The following SEMA3C variants were observed in gnomAD, a reference collection of about 807,000 sequenced individuals.
SEMA3C encodes semaphorin-3C.
In SEMA3C, 47 loss-of-function variants were observed where a neutral mutation model predicts 89.4. The ratio of observed to expected loss-of-function variants is 0.53; its 90% CI spans 0.42 to 0.67. The LOEUF (loss-of-function observed/expected upper bound fraction) is 0.67, where lower values mean the gene tolerates loss of function less well. Among genes scored for constraint, SEMA3C ranks in the 30% least tolerant of loss-of-function variants. SEMA3C has a pLI of 0.00. For synonymous variants in SEMA3C, 310 were observed against 320.2 expected (o/e 0.97, Z 0.34); for missense variants, 839 against 929.1 (o/e 0.90, Z 1.26).
chr7:80,753,260 G>C (rs577261552), intron 15 of SEMA3C, among the ~76,000 whole-genome samples: 8 of 152,098 alleles, frequency 5.3e-5, no homozygotes, highest in Non-Finnish European at 1.0e-4. Context: ...AGAATAGCTC[G>C]CATATCAAGT....
At chr7:80,834,362 A>G (rs1790078597) in intron 2 of SEMA3C, among the ~76,000 whole-genome samples, 1 of 152,154 alleles carries the variant, frequency 6.6e-6, no homozygotes, top group African/African-American at 2.4e-5. Flanking sequence ...TTTTCTTTGT[A>G]ATAGAAACCA....
intron 2 of SEMA3C, among the ~76,000 whole-genome samples, chr7:80,858,088 CTCAA>C (rs1460251965): frequency 6.6e-6 from 1 of 151,912 alleles, no homozygotes; most frequent in Non-Finnish European, 1.5e-5. Context: ...GTCTAAAAGA[CTCAA>C]TCACACTTCT....
At chr7:80,791,395 C>A (rs1247003994) in intron 11 of SEMA3C, among the ~76,000 whole-genome samples, 1 of 152,124 alleles carries the variant, frequency 6.6e-6, no homozygotes, top group African/African-American at 2.4e-5. Flanking sequence ...CTGTCGATAT[C>A]TCTACTTCCA....
At chr7:80,861,564 G>C (rs1371994751) in intron 2 of SEMA3C, among the ~76,000 whole-genome samples, 4 of 152,126 alleles carry the variant, frequency 2.6e-5, no homozygotes, top group African/African-American at 7.2e-5. Context: ...ACTGAGCACT[G>C]TTCACACAAA....
chr7:80,846,472 T>C (rs561626625), intron 2 of SEMA3C, among the ~76,000 whole-genome samples: 2 of 152,200 alleles, frequency 1.3e-5, no homozygotes, highest in Non-Finnish European at 2.9e-5. Context: ...TCATCCCGCC[T>C]CAGCCTCCTG....
intron 12 of SEMA3C, among the ~76,000 whole-genome samples, chr7:80,783,686 G>A (rs1272683957): frequency 6.6e-6 from 1 of 152,154 alleles, no homozygotes; most frequent in Non-Finnish European, 1.5e-5. Context: ...TTCATTAAGT[G>A]TGCCATTCCA....
chr7:80,856,246 C>T (rs1444320844), intron 2 of SEMA3C, among the ~76,000 whole-genome samples: 1 of 151,724 alleles, frequency 6.6e-6, no homozygotes, highest in East Asian at 1.9e-4. Context: ...TTTTAAATGA[C>T]CCCTTTGAGG....
chr7:80,801,027 A>C (rs564581941), intron 9 of SEMA3C, among the ~76,000 whole-genome samples: 77 of 152,224 alleles, frequency 5.1e-4, no homozygotes, highest in Non-Finnish European at 1.5e-5. Context: ...GAATTTATGA[A>C]AATTTTGTAT....
intron 2 of SEMA3C, among the ~76,000 whole-genome samples, chr7:80,844,757 A>G (rs1398331449): frequency 1.3e-5 from 2 of 152,112 alleles, no homozygotes; most frequent in African/African-American, 4.8e-5. Flanking sequence ...TGGCTCTAGA[A>G]CTACTGCCCT....
chr7:80,900,406 C>A (rs927456392), intron 2 of SEMA3C, among the ~76,000 whole-genome samples: 3 of 152,188 alleles, frequency 2.0e-5, no homozygotes, highest in Admixed American at 6.5e-5. Flanking sequence ...AGCCACCATG[C>A]CCAACTACAT....
intron 15 of SEMA3C, among the ~76,000 whole-genome samples, chr7:80,757,549 A>C (rs1002499601): frequency 6.6e-6 from 1 of 152,240 alleles, no homozygotes; most frequent in African/African-American, 2.4e-5. Flanking sequence ...TGCTGAAATA[A>C]TACTCCTGTA....
In SEMA3C at chr7:80,791,146, C is replaced by T. The variant is rs539128225; in HGVS notation, c.1132-1618G>A. Among the ~76,000 whole-genome samples the T allele has an allele frequency of 5.9e-5, 9 of 151,950 alleles. No homozygotes were observed. In the East Asian group the frequency reaches 9.8e-4, roughly 17 times the overall value. ...ATCTGGAGAAAGGACTGCTGAACAGCGTCAGCAGTTCTGGCAAGGGAACCT... is the reference window on the plus strand; with the variant it reads ...ATCTGGAGAAAGGACTGCTGAACAGTGTCAGCAGTTCTGGCAAGGGAACCT... On this transcript the variant is annotated intron_variant, in intron 11 of 17. Coordinates refer to ENST00000265361, the MANE Select transcript of SEMA3C (RefSeq NM_006379.5).
chr7:80,903,359 G>T (rs554761510), intron 2 of SEMA3C, among the ~76,000 whole-genome samples: 4 of 152,112 alleles, frequency 2.6e-5, no homozygotes, highest in African/African-American at 9.7e-5. Context: ...CAGTAAAAAT[G>T]TAGTATAATA....
At chr7:80,828,495 A>G in intron 3 of SEMA3C, 90 bp downstream of exon 3, 1 of 1,058,424 alleles carries the variant, frequency 9.4e-7, no homozygotes, top group Non-Finnish European at 1.3e-6. Context: ...TTGTTCTAAT[A>G]AAATGCATAT....
At chr7:80,771,492 AT>A (rs1398848397) in intron 12 of SEMA3C, among the ~76,000 whole-genome samples, 2 of 152,084 alleles carry the variant, frequency 1.3e-5, no homozygotes, top group African/African-American at 2.4e-5. Flanking sequence ...ATACTATCTA[AT>A]TTTTTTCTAA....
intron 2 of SEMA3C, among the ~76,000 whole-genome samples, chr7:80,877,710 T>C (rs564002760): frequency 6.6e-6 from 1 of 152,258 alleles, no homozygotes; most frequent in Non-Finnish European, 1.5e-5. Flanking sequence ...GACCATATAA[T>C]TCAATATTTT....
At chr7:80,919,247 C>G, upstream of SEMA3C, 1 of 985,190 alleles carries the variant, frequency 1.0e-6, no homozygotes, top group South Asian at 4.7e-5. Context: ...GCCGCGGGGG[C>G]GGACCGGGCG....
At chr7:80,896,646 C>G (rs1415266753) in intron 2 of SEMA3C, among the ~76,000 whole-genome samples, 2 of 152,150 alleles carry the variant, frequency 1.3e-5, no homozygotes, top group African/African-American at 2.4e-5. Context: ...TAATAGTTAA[C>G]AGGATCTCTT....
intron 2 of SEMA3C, among the ~76,000 whole-genome samples, chr7:80,861,402 T>C (rs1206832856): frequency 2.0e-5 from 3 of 152,302 alleles, no homozygotes; most frequent in Non-Finnish European, 2.9e-5. Flanking sequence ...TTGCTTGCCA[T>C]GGTTTTCAAT....
Sources: allele counts gnomAD v4.1 joint callset (sites outside exome capture counted in the v4.1 genomes callset), GRCh38; gene constraint gnomAD v4.1.1; transcripts MANE v1.5; gene names NCBI Gene and HGNC (gene_info 2026-07-23, HGNC 2026-07-21).